The following MTRF1 variants were observed in gnomAD, a reference collection of about 807,000 sequenced individuals.
MTRF1 encodes the protein peptide chain release factor 1, mitochondrial.
In MTRF1, 51 loss-of-function variants were observed where a neutral mutation model predicts 62.9. The ratio of observed to expected loss-of-function variants is 0.81; its 90% CI spans 0.65 to 1.02. The LOEUF is 1.02. MTRF1 is among the 50% of genes least tolerant of loss of function. The pLI, the probability that MTRF1 is intolerant of heterozygous loss-of-function variation, is 0.00. For synonymous variants in MTRF1, 158 were observed against 181.9 expected (o/e 0.87, Z 1.06); for missense variants, 446 against 530.0 (o/e 0.84, Z 1.56).
chr13:41,297,111 G>A, the MTRF1 span, among the ~76,000 whole-genome samples: 1 of 152,082 alleles, frequency 6.6e-6, no homozygotes, highest in Non-Finnish European at 1.5e-5. Flanking sequence ...CATGAGGATC[G>A]TTAAGTCAAC....
At chr13:41,282,113 G>T in the MTRF1 span, among the ~76,000 whole-genome samples, 5 of 151,358 alleles carry the variant, frequency 3.3e-5, no homozygotes, top group African/African-American at 1.2e-4. Context: ...ACTCCAGCCT[G>T]GGCGACAGAG....
intron 3 of MTRF1, among the ~76,000 whole-genome samples, chr13:41,254,028 G>A (rs1463107454): frequency 6.6e-6 from 1 of 152,140 alleles, no homozygotes; most frequent in Non-Finnish European, 1.5e-5. Flanking sequence ...CCATGTCTAG[G>A]AGATATCAGC....
chr13:41,256,128 G>T (rs1412173894), intron 2 of MTRF1, among the ~76,000 whole-genome samples: 7 of 152,066 alleles, frequency 4.6e-5, no homozygotes, highest in Non-Finnish European at 1.0e-4. Context: ...AGACAACGAA[G>T]AAAAAAACAT....
chr13:41,261,563 T>C (rs1467921986), intron 1 of MTRF1: 1 of 153,106 alleles, frequency 6.5e-6, no homozygotes, highest in African/African-American at 2.4e-5. Context: ...AACAAGCTCT[T>C]GAAAGCTATG....
chr13:41,301,515 A>T, the MTRF1 span, among the ~76,000 whole-genome samples: 3 of 152,174 alleles, frequency 2.0e-5, no homozygotes, highest in East Asian at 5.8e-4. Context: ...CGGGAGGCTG[A>T]GGTGGACGGA....
Position 41,240,413 on chromosome 13 carries a change from C to G in MTRF1, c.718G>C (p.Ala240Pro). The G allele has an allele frequency of 6.2e-7, 1 of 1,613,066 alleles. No homozygotes were observed. The highest frequency in any genetic ancestry group is 8.5e-7 in the Non-Finnish European group (1 of 1,179,524). ...ADYGGLHHAA[A>P]RISGDGVYKH... is the part of the protein sequence containing the mutation. ...TAGACACCGTCACCGGAAATTCGGGCGGCTGCATGATGTAGTCCACCTAGG... is the reference window on the plus strand; with the variant it reads ...TAGACACCGTCACCGGAAATTCGGGGGGCTGCATGATGTAGTCCACCTAGG... Residue 240 changes from alanine to proline, a missense_variant, in exon 6 of 10, where the codon GCC becomes CCC. Transcript: ENST00000379480.
At chr13:41,263,320 T>C in intron 1 of MTRF1, 165 bp downstream of exon 1, 1 of 1,289,196 alleles carries the variant, frequency 7.8e-7, no homozygotes, top group Non-Finnish European at 1.0e-6. Context: ...GTAACAGTAT[T>C]ACTCTGATGC....
the MTRF1 span, among the ~76,000 whole-genome samples, chr13:41,302,534 A>T: frequency 0.01 from 1,511 of 150,260 alleles, 17 homozygotes; most frequent in African/African-American, 0.033. Context: ...ATTTTTTTTT[A>T]AATTTTTTTT....
the MTRF1 span, among the ~76,000 whole-genome samples, chr13:41,269,408 C>T: frequency 6.6e-6 from 1 of 151,768 alleles, no homozygotes; most frequent in African/African-American, 2.4e-5. Flanking sequence ...CCATGTTGGC[C>T]AGGCTGGTCT....
At chr13:41,273,728 T>C in the MTRF1 span, among the ~76,000 whole-genome samples, 4 of 151,988 alleles carry the variant, frequency 2.6e-5, no homozygotes, top group African/African-American at 9.7e-5. Context: ...TCCCAGCTAC[T>C]CGGGAGGCTG....
At chr13:41,240,632 A>G (rs1350819232) in intron 5 of MTRF1, among the ~76,000 whole-genome samples, 199 bp from the exon 6 acceptor site, 2 of 152,224 alleles carry the variant, frequency 1.3e-5, no homozygotes. Context: ...TTCCAATGTA[A>G]ATGTATTAAA....
the MTRF1 span, among the ~76,000 whole-genome samples, chr13:41,271,679 A>G: frequency 3.3e-5 from 5 of 152,216 alleles, no homozygotes; most frequent in South Asian, 1.0e-3. Context: ...GGGATTTTCC[A>G]GTAGGGCCGC....
At chr13:41,220,726 A>G (rs2033157304) in intron 9 of MTRF1, 2 of 578,966 alleles carry the variant, frequency 3.5e-6, no homozygotes, top group Non-Finnish European at 5.7e-6. Context: ...CTGTGTATCA[A>G]TTTCATTCTC....
At chr13:41,233,743 A>C (rs1467225974) in intron 7 of MTRF1, 147 bp downstream of exon 7, 2 of 667,952 alleles carry the variant, frequency 3.0e-6, no homozygotes, top group African/African-American at 3.6e-5. Flanking sequence ...GGGAAATATG[A>C]ACACAATAGC....
In MTRF1 at chr13:41,228,710, A is replaced by G. The variant is rs73179111; in HGVS notation, c.989-2142T>C. 5.6e-3 allele frequency among the ~76,000 whole-genome samples: 851 copies of G among 152,370 alleles called. 4 individuals are homozygous for G. The highest frequency in any genetic ancestry group is 0.014 in the Admixed American group (207 of 15,306). ...TATCTTGGGATAAATTTTCCCAAGA[A>G]AGGTAATATTCCCCTGTATAAACAT... On this transcript the variant is annotated intron_variant, in intron 7 of 9. Transcript: ENST00000379480.
intron 5 of MTRF1, among the ~76,000 whole-genome samples, chr13:41,247,759 G>T (rs1293558140): frequency 6.6e-6 from 1 of 152,138 alleles, no homozygotes; most frequent in East Asian, 1.9e-4. Flanking sequence ...CCAGTGTGGG[G>T]ATTCTACCAG....
upstream of MTRF1, among the ~76,000 whole-genome samples, chr13:41,263,931 C>A (rs1272819585): frequency 3.9e-5 from 6 of 152,092 alleles, no homozygotes; most frequent in African/African-American, 9.7e-5. Flanking sequence ...CACTATCCAG[C>A]CAAATGTGGA....
At chr13:41,306,660 C>T in the MTRF1 span, among the ~76,000 whole-genome samples, 2 of 152,146 alleles carry the variant, frequency 1.3e-5, no homozygotes, top group African/African-American at 2.4e-5. Context: ...ATCAGTGGCC[C>T]ATATTACATA....
intron 5 of MTRF1, 107 bp downstream of exon 5, chr13:41,252,538 T>C (rs185884588): frequency 1.3e-5 from 10 of 761,454 alleles, no homozygotes; most frequent in Non-Finnish European, 2.1e-5. Flanking sequence ...GTTTAGTAGA[T>C]ATACACCAAA....
Sources: allele counts gnomAD v4.1 joint callset (sites outside exome capture counted in the v4.1 genomes callset), GRCh38; gene constraint gnomAD v4.1.1; transcripts MANE v1.5; gene names NCBI Gene and HGNC (gene_info 2026-07-23, HGNC 2026-07-21).